The following RFPL1 variants were observed in gnomAD, a reference collection of about 807,000 sequenced individuals.
The protein encoded by RFPL1 is ret finger protein-like 1.
In RFPL1, 6 loss-of-function variants were observed where a neutral mutation model predicts 9.6. The observed-to-expected ratio is 0.62, with a 90% CI of 0.34 to 1.23. RFPL1 has a LOEUF of 1.23. Ranked by LOEUF, RFPL1 falls within the 50% of genes most tolerant of loss-of-function variation. RFPL1 has a pLI of 0.03. For missense variants in RFPL1, 352 were observed against 398.4 expected, an observed-to-expected ratio of 0.88 and a Z score of 0.99; for synonymous variants, 145 against 149.4, an observed-to-expected ratio of 0.97 and a Z score of 0.22.
chr22:29,439,901 A>C (rs2062829876), intron 1 of RFPL1: 1 of 152,242 alleles, frequency 6.6e-6, no homozygotes, highest in South Asian at 2.1e-4. Context: ...CCACTGTACC[A>C]AACAACCTCA....
At chr22:29,389,946 G>A in the RFPL1 span, among the ~76,000 whole-genome samples, 2 of 151,904 alleles carry the variant, frequency 1.3e-5, no homozygotes, top group Non-Finnish European at 2.9e-5. Context: ...TTACAAGCAT[G>A]CACCACCGTG....
chr22:29,393,487 C>T, the RFPL1 span, among the ~76,000 whole-genome samples: 2 of 152,174 alleles, frequency 1.3e-5, no homozygotes, highest in Non-Finnish European at 2.9e-5. Flanking sequence ...GGGAACTTCC[C>T]TCTCTGCCCC....
chr22:29,417,045 C>T, the RFPL1 span, among the ~76,000 whole-genome samples: 1 of 152,058 alleles, frequency 6.6e-6, no homozygotes, highest in Non-Finnish European at 1.5e-5. Flanking sequence ...CTTAGGAGGA[C>T]AAAGTGAACT....
At chr22:29,440,170 C>T (rs1156779189) in intron 1 of RFPL1, 1 of 152,230 alleles carries the variant, frequency 6.6e-6, no homozygotes, top group Non-Finnish European at 1.5e-5. Context: ...TACTCATCCA[C>T]CTACCCATAC....
the RFPL1 span, among the ~76,000 whole-genome samples, chr22:29,410,613 C>G: frequency 7.9e-6 from 1 of 127,082 alleles, no homozygotes; most frequent in South Asian, 2.4e-4. Flanking sequence ...ATAGATATAT[C>G]TATCTATATA....
chr22:29,393,465 G>C, the RFPL1 span, among the ~76,000 whole-genome samples: 1 of 152,178 alleles, frequency 6.6e-6, no homozygotes, highest in Non-Finnish European at 1.5e-5. Flanking sequence ...AAGTGGGGAA[G>C]GGAGCATCTA....
upstream of RFPL1, chr22:29,434,593 C>G (rs76502465): frequency 5.8e-3 from 897 of 153,662 alleles, 9 homozygotes; most frequent in African/African-American, 0.021. Flanking sequence ...CACCTCTGGA[C>G]ACCATTACTG....
the RFPL1 span, among the ~76,000 whole-genome samples, chr22:29,418,431 A>T: frequency 6.6e-6 from 1 of 151,738 alleles, no homozygotes; most frequent in East Asian, 1.9e-4. Context: ...GTTTAATATC[A>T]TCTGGCCACT....
At chr22:29,407,350 T>A in the RFPL1 span, among the ~76,000 whole-genome samples, 1 of 152,222 alleles carries the variant, frequency 6.6e-6, no homozygotes, top group South Asian at 2.1e-4. Flanking sequence ...TATTTAGACA[T>A]TTGCTTTCAG....
At chr22:29,393,489 C>T in the RFPL1 span, among the ~76,000 whole-genome samples, 5 of 152,200 alleles carry the variant, frequency 3.3e-5, no homozygotes, top group African/African-American at 1.2e-4. Context: ...GAACTTCCCT[C>T]TCTGCCCCCA....
chr22:29,424,558 G>C, the RFPL1 span, among the ~76,000 whole-genome samples: 2 of 151,474 alleles, frequency 1.3e-5, no homozygotes, highest in African/African-American at 4.9e-5. Context: ...ACCATCTCAG[G>C]TCTACCTGAG....
At chr22:29,439,404 C>T (rs1000744123) in intron 1 of RFPL1, 14 of 579,266 alleles carry the variant, frequency 2.4e-5, no homozygotes, top group African/African-American at 1.1e-4. Flanking sequence ...GAGGCCGAGG[C>T]GGGTGGATCA....
At chr22:29,410,959 T>G in the RFPL1 span, among the ~76,000 whole-genome samples, 1 of 152,266 alleles carries the variant, frequency 6.6e-6, no homozygotes, top group Non-Finnish European at 1.5e-5. Context: ...TTCTTACATT[T>G]CATTCTGAGG....
upstream of RFPL1, chr22:29,436,499 CTGAGGCAGGAGAATTGCT>C (rs1483738785): frequency 6.6e-6 from 1 of 151,120 alleles, no homozygotes; most frequent in African/African-American, 2.4e-5. Context: ...GCTCAGGAGG[CTGAGGCAGGAGAATTGCT>C]TGAGCCCAGG....
upstream of RFPL1, among the ~76,000 whole-genome samples, chr22:29,433,821 C>T (rs1265024876): frequency 6.6e-6 from 1 of 152,012 alleles, no homozygotes; most frequent in African/African-American, 2.4e-5. Flanking sequence ...CATGGGTGTA[C>T]CCCATGTGGA....
chr22:29,418,811 C>G, the RFPL1 span, among the ~76,000 whole-genome samples: 1 of 152,104 alleles, frequency 6.6e-6, no homozygotes, highest in Non-Finnish European at 1.5e-5. Flanking sequence ...ATTTCCCATT[C>G]TTTTTAAAAA....
chr22:29,389,275 C>A, the RFPL1 span, among the ~76,000 whole-genome samples: 2 of 152,106 alleles, frequency 1.3e-5, no homozygotes, highest in African/African-American at 2.4e-5. Flanking sequence ...GTAGTCCCAG[C>A]TACTCGGGAG....
exon 1 of RFPL1, chr22:29,438,919 G>A: frequency 6.2e-7 from 1 of 1,613,956 alleles, no homozygotes; most frequent in East Asian, 2.2e-5. Flanking sequence ...TGTCCCGTCT[G>A]CTCAGACTAT....
At chr22:29,427,389 C>T in the RFPL1 span, among the ~76,000 whole-genome samples, 1 of 152,150 alleles carries the variant, frequency 6.6e-6, no homozygotes, top group Admixed American at 6.5e-5. Context: ...CCTGTGAAAG[C>T]CTGTTCCTGC....
Sources: allele counts gnomAD v4.1 joint callset (sites outside exome capture counted in the v4.1 genomes callset), GRCh38; gene constraint gnomAD v4.1.1; transcripts MANE v1.5; gene names NCBI Gene and HGNC (gene_info 2026-07-23, HGNC 2026-07-21).